The following HDC variants were observed in gnomAD, a reference collection of about 807,000 sequenced individuals.
The protein encoded by HDC is histidine decarboxylase.
A neutral mutation model predicts 64.4 loss-of-function variants in HDC; 27 were observed. The observed-to-expected ratio is 0.42, with a 90% CI of 0.31 to 0.58. The LOEUF is 0.58. Among genes scored for constraint, HDC ranks in the 20% least tolerant of loss-of-function variants. The pLI is 0.16. For synonymous variants in HDC, 305 were observed against 314.2 expected, an observed-to-expected ratio of 0.97 and a Z score of 0.31; for missense variants, 711 against 833.9, an observed-to-expected ratio of 0.85 and a Z score of 1.81.
intron 10 of HDC, among the ~76,000 whole-genome samples, chr15:50,245,200 C>T (rs558798069): frequency 3.6e-4 from 55 of 152,352 alleles, no homozygotes; most frequent in Non-Finnish European, 5.0e-4. Context: ...GCAGCCATGG[C>T]CAAATATAGC....
chr15:50,248,539 G>C lies in HDC; in HGVS notation c.1042-196C>G, dbSNP rs1164346369. ...TCGTGTGACCAAATCACTGATGAAG[G>C]TGGCCAATAGTCACTTGTCTGAGAG... is the stretch of plus-strand genomic sequence containing the variant. On this transcript the variant is annotated intron_variant, in intron 9 of 11. Transcript: ENST00000267845. This position sits in a 1 kb window ranked among gnomAD's most constrained non-coding sequence, Gnocchi z 4.3. 6.6e-6 allele frequency among the ~76,000 whole-genome samples: 1 copy of C among 152,092 alleles called. No homozygotes were observed. The highest frequency in any genetic ancestry group is 1.5e-5 in the Non-Finnish European group (1 of 68,012).
chr15:50,261,843 G>A (rs1480678875), intron 2 of HDC, among the ~76,000 whole-genome samples: 1 of 151,804 alleles, frequency 6.6e-6, no homozygotes, highest in African/African-American at 2.4e-5. Flanking sequence ...CCAAGTAGCT[G>A]GGATTACAGG....
chr15:50,248,224 C>A lies in HDC; in HGVS notation c.1140+21G>T, dbSNP rs1284549734. ...AAACAGAGGAACACAGGCTCAGCCC[C>A]CACAGCAGCATGCTACATACATGTC... On this transcript the variant is annotated intron_variant, in intron 10 of 11. Coordinates refer to ENST00000267845, the MANE Select transcript of HDC (RefSeq NM_002112.4). The surrounding 1 kb of genome is among the most constrained non-coding windows in gnomAD (Gnocchi z 4.3). 2.6e-6 allele frequency: 4 copies of A among 1,535,480 alleles called. No homozygotes were observed. The Admixed American group carries it at 6.7e-5, about 26-fold the overall frequency.
rs766790335 is a variant in HDC at position 50,253,639 on chromosome 15, C to A, written c.748G>T (p.Val250Phe). 6.2e-7 allele frequency: 1 copy of A among 1,613,600 alleles called. No homozygotes were observed. ...FVCATLGTTG[V>F]CAFDCLSELG... is the part of the protein sequence containing the mutation. ...TCTGACAGGCAGTCAAATGCACAGACCCCAGTGGTCCCTAGTGTTGCACAG... is the reference window on the plus strand; with the variant it reads ...TCTGACAGGCAGTCAAATGCACAGAACCCAGTGGTCCCTAGTGTTGCACAG... The change falls in exon 7 of 12, where the codon GTC becomes TTC. Residue 250 changes from valine (V) to phenylalanine (F), a missense_variant. This residue lies in a region of HDC where 483 missense variants were observed against 540.9 expected (regional missense o/e 0.89). Coordinates refer to ENST00000267845, the MANE Select transcript of HDC (RefSeq NM_002112.4).
rs781684311 is a variant in HDC at position 50,242,762 on chromosome 15, C to A, written c.1487G>T (p.Gly496Val). ...RVGNLISQIR[G>V]ARAWACGTSL... ...CGTTCCACAGGCCCAGGCTCTGGCA[C>A]CCCTGATTTGGGAGATGAGGTTCCC... Residue 496 changes from glycine to valine, a missense_variant, in exon 12 of 12, where the codon GGT becomes GTT. Physicochemically the swap from Gly to Val is moderately radical, Grantham distance 109. Around this residue, in one of 3 missense-constraint regions of HDC, gnomAD observed 483 missense variants for 540.9 expected, o/e 0.89. Transcript: ENST00000267845. 6 of 1,613,984 alleles carry A rather than the reference C, an allele frequency of 3.7e-6. No individual in the cohort carries two copies. In the Admixed American group the frequency reaches 5.0e-5, roughly 13 times the overall value.
At chr15:50,254,760 CT>C in intron 4 of HDC, 96 bp from the exon 5 acceptor site, 1 of 1,050,722 alleles carries the variant, frequency 9.5e-7, no homozygotes, top group East Asian at 2.5e-5. Context: ...CTCTCTCTCT[CT>C]CTCTCTCTCT....
At chr15:50,261,908 C>T (rs2045709292) in intron 2 of HDC, among the ~76,000 whole-genome samples, 1 of 152,034 alleles carries the variant, frequency 6.6e-6, no homozygotes, top group Admixed American at 6.6e-5. Flanking sequence ...GGGGTTTCTC[C>T]ATGTTGGTCA....
rs1482041189 is a variant in HDC, at chr15:50,248,025, C to T, written c.1140+220G>A. ...ACAGCAAGGGGAACGGTGAGACACTCAGCAGAGGACAGGCATCAGGCAGCC... is the reference window on the plus strand; with the variant it reads ...ACAGCAAGGGGAACGGTGAGACACTTAGCAGAGGACAGGCATCAGGCAGCC... On this transcript the variant is annotated intron_variant, in intron 10 of 11. Coordinates refer to ENST00000267845, the MANE Select transcript of HDC (RefSeq NM_002112.4). The surrounding 1 kb of genome is among the most constrained non-coding windows in gnomAD (Gnocchi z 4.3). Among the ~76,000 whole-genome samples, 2 of 152,222 alleles carry T rather than the reference C, an allele frequency of 1.3e-5. No individual in the cohort carries two copies. Among genetic ancestry groups the T allele is most frequent in the Non-Finnish European group, 2.9e-5 (2 of 68,052 alleles).
Position 50,265,586 on chromosome 15 carries a change from T to C in HDC, c.31+7A>G. ...AGGGAAGAGGGCCAGGGATGCCCGT[T>C]GCTCACCTCTCTCTCTGTACTCCTC... is the stretch of plus-strand genomic sequence containing the variant. On this transcript the variant is annotated splice_region_variant and intron_variant, in intron 1 of 11. Transcript: ENST00000267845. 6.2e-7 allele frequency: 1 copy of C among 1,613,738 alleles called. No individual in the cohort carries two copies. Among genetic ancestry groups the C allele is most frequent in the Non-Finnish European group, 8.5e-7 (1 of 1,179,664 alleles).
In HDC at chr15:50,252,411, C is replaced by T; in HGVS notation, c.1041+19G>A. 6.2e-7 allele frequency: 1 copy of T among 1,610,036 alleles called. No individual in the cohort carries two copies. Among genetic ancestry groups the T allele is most frequent in the South Asian group, 1.1e-5 (1 of 90,994 alleles). The stretch of plus-strand genomic sequence containing the variant: ...CTGGCCACCCGAGCCCACCAGGCTG[C>T]CCGTCCCTGGCCACTCACCATGAAG... On this transcript the variant is annotated intron_variant, in intron 9 of 11. Coordinates refer to ENST00000267845, the MANE Select transcript of HDC (RefSeq NM_002112.4).
chr15:50,248,206 G>C lies in HDC; in HGVS notation c.1140+39C>G. The C allele has an allele frequency of 7.1e-7, 1 of 1,410,478 alleles. No individual in the cohort carries two copies. Among genetic ancestry groups the C allele is most frequent in the African/African-American group, 1.4e-5 (1 of 71,104 alleles). The allele number at this position is 1,410,478 out of a possible 1,614,324, so 87.4% of individuals were successfully genotyped here. Reference sequence around the variant, plus strand: ...GCCTTCCTCGCCATGAGAAAACAGAGGAACACAGGCTCAGCCCCCACAGCA... The same window carrying C: ...GCCTTCCTCGCCATGAGAAAACAGACGAACACAGGCTCAGCCCCCACAGCA... On this transcript the variant is annotated intron_variant, in intron 10 of 11. Coordinates refer to ENST00000267845, the MANE Select transcript of HDC (RefSeq NM_002112.4). This position sits in a 1 kb window ranked among gnomAD's most constrained non-coding sequence, Gnocchi z 4.3.
rs2045403635 is a variant in HDC at position 50,242,287 on chromosome 15, G to T, written c.1962C>A (p.Pro654=). 6.2e-7 allele frequency: 1 copy of T among 1,614,152 alleles called. No homozygotes were observed. Among genetic ancestry groups the T allele is most frequent in the Middle Eastern group, 1.7e-4 (1 of 6,060 alleles). ...ECSSQCGLQL[P]CCPLQAMV is the part of the protein sequence containing the mutation. ...AAACCATGGCCTGCAGAGGGCAACAGGGCAGCTGGAGTCCACATTGAGAGC... is the reference window on the plus strand; with the variant it reads ...AAACCATGGCCTGCAGAGGGCAACATGGCAGCTGGAGTCCACATTGAGAGC... The change falls in exon 12 of 12, where the codon CCC becomes CCA. Residue 654 remains proline, a synonymous_variant. Coordinates refer to ENST00000267845, the MANE Select transcript of HDC (RefSeq NM_002112.4).
Position 50,242,150 on chromosome 15 carries a change from GC to G in HDC, c.*109del. 1 of 909,292 alleles carries G rather than the reference GC, an allele frequency of 1.1e-6. No individual in the cohort carries two copies. Among genetic ancestry groups the G allele is most frequent in the Non-Finnish European group, 1.8e-6 (1 of 554,538 alleles). The allele number at this position is 909,292 out of a possible 1,614,324, so 56.3% of individuals were successfully genotyped here. A position where few individuals can be genotyped will look rare whatever the true frequency, so the allele number is the denominator to read the frequency against. On this transcript the variant is annotated 3_prime_UTR_variant, in exon 12 of 12. Transcript: ENST00000267845. Reference sequence around the variant, plus strand: ...AGAATTTGATTAAAATTATGAACTCGCCCCAAGAAAAATGCATGTACACATA... The same window carrying G: ...AGAATTTGATTAAAATTATGAACTCGCCCAAGAAAAATGCATGTACACATA...
rs2045514178 is a variant in HDC at position 50,248,565 on chromosome 15, C to T, written c.1042-222G>A. Among the ~76,000 whole-genome samples the T allele has an allele frequency of 6.6e-6, 1 of 152,092 alleles. No homozygotes were observed. ...TGGCCAATAGTCACTTGTCTGAGAG[C>T]CAGACAAGTGGAAGTCAAGTCCATT... is the stretch of plus-strand genomic sequence containing the variant. On this transcript the variant is annotated intron_variant, in intron 9 of 11. Transcript: ENST00000267845. This position sits in a 1 kb window ranked among gnomAD's most constrained non-coding sequence, Gnocchi z 4.3.
At chr15:50,260,023 CTTT>C (rs141659908) in intron 2 of HDC, among the ~76,000 whole-genome samples, 154 of 142,586 alleles carry the variant, frequency 1.1e-3, no homozygotes, top group Non-Finnish European at 1.1e-3. Flanking sequence ...GAGATTCATT[CTTT>C]TTTTTTTTTT....
rs2045512486 is a variant in HDC at position 50,248,409 on chromosome 15, TG to T, written c.1042-67del. 1 of 1,134,912 alleles carries T rather than the reference TG, an allele frequency of 8.8e-7. No homozygotes were observed. Among genetic ancestry groups the T allele is most frequent in the Admixed American group, 1.8e-5 (1 of 56,180 alleles). The allele number at this position is 1,134,912 out of a possible 1,614,324, so 70.3% of individuals were successfully genotyped here. On this transcript the variant is annotated intron_variant, in intron 9 of 11. Coordinates refer to ENST00000267845, the MANE Select transcript of HDC (RefSeq NM_002112.4). The surrounding 1 kb of genome is among the most constrained non-coding windows in gnomAD (Gnocchi z 4.3). The stretch of plus-strand genomic sequence containing the variant: ...GGTGCCCCACTCCCTCGGGCATTTC[TG>T]GGCATTATCTGTTGCCTGCCCAGCC...
intron 2 of HDC, among the ~76,000 whole-genome samples, chr15:50,261,187 G>A (rs530166615): frequency 2.0e-5 from 3 of 152,212 alleles, no homozygotes; most frequent in Admixed American, 2.0e-4. Context: ...AGCCAGAAGA[G>A]CCCTTATCAA....
In HDC at chr15:50,253,660, C is replaced by T. The variant is rs2045587858; in HGVS notation, c.727G>A (p.Ala243Thr). ...QRGLVPVFVC[A>T]TLGTTGVCAF... The stretch of plus-strand genomic sequence containing the variant: ...CAGACCCCAGTGGTCCCTAGTGTTG[C>T]ACAGACCTAGGGGAAAATTAAGGCA... Residue 243 changes from alanine to threonine, a missense_variant, in exon 7 of 12, where the codon GCA (alanine) becomes ACA (threonine). This residue lies in a region of HDC where 483 missense variants were observed against 540.9 expected (regional missense o/e 0.89). Transcript: ENST00000267845. 3 of 1,613,056 alleles carry T rather than the reference C, an allele frequency of 1.9e-6. No homozygotes were observed. Among genetic ancestry groups the T allele is most frequent in the Non-Finnish European group, 2.5e-6 (3 of 1,179,756 alleles).
In HDC at chr15:50,242,950, G is replaced by A. The variant is rs1483529638; in HGVS notation, c.1299C>T (p.Leu433=). Residue 433 remains leucine, a synonymous_variant, in exon 12 of 12, where the codon CTC becomes CTT. Coordinates refer to ENST00000267845, the MANE Select transcript of HDC (RefSeq NM_002112.4). ...VLKEIAKAGR[L]FLIPATIQDK... is the part of the protein sequence containing the mutation. The stretch of plus-strand genomic sequence containing the variant: ...CCTGGATAGTGGCCGGGATGAGGAA[G>A]AGACGGCCAGCTTTAGCTATTTCCT... The A allele has an allele frequency of 6.2e-7, 1 of 1,613,972 alleles. No individual in the cohort carries two copies. Among genetic ancestry groups the A allele is most frequent in the East Asian group, 2.2e-5 (1 of 44,884 alleles).
Sources: allele counts gnomAD v4.1 joint callset (sites outside exome capture counted in the v4.1 genomes callset), GRCh38; gene constraint gnomAD v4.1.1; regional missense constraint gnomAD v4.1.1; non-coding constraint Gnocchi (gnomAD v3.1); transcripts MANE v1.5; gene names NCBI Gene and HGNC (gene_info 2026-07-23, HGNC 2026-07-21).